The following ATRX variants were observed in gnomAD, a reference collection of about 807,000 sequenced individuals.
ATRX encodes the protein chromatin remodeler ATRX.
Under a neutral mutation model 172.6 loss-of-function variants are expected in ATRX, and 12 were observed. That is an observed-to-expected ratio of 0.07 (90% confidence interval 0.04 to 0.11). The LOEUF (loss-of-function observed/expected upper bound fraction) is 0.11. Among genes scored for constraint, ATRX ranks in the 10% least tolerant of loss-of-function variants. The pLI, the probability that ATRX is intolerant of heterozygous loss-of-function variation, is 1.00. For missense variants in ATRX, 1,368 were observed against 1,767.4 expected, an observed-to-expected ratio of 0.77 and a Z score of 4.05; for synonymous variants, 674 against 594.7, an observed-to-expected ratio of 1.13 and a Z score of -1.94.
At chrX:77,717,975 T>C (rs1032906188) in intron 1 of ATRX, among the ~76,000 whole-genome samples, 2 of 111,692 alleles carry the variant, frequency 1.8e-5, no homozygotes, top group Non-Finnish European at 3.8e-5. Flanking sequence ...CTGACCCTTG[T>C]ACTTATCTTG....
chrX:77,762,731 AAAAAG>A (rs2054718581), intron 1 of ATRX, among the ~76,000 whole-genome samples: 1 of 111,773 alleles, frequency 8.9e-6, no homozygotes, highest in Admixed American at 9.6e-5. Flanking sequence ...AGAGTAAAAA[AAAAAG>A]AAGAGTAAAA....
chrX:77,542,988 T>C (rs1458258449), intron 30 of ATRX, among the ~76,000 whole-genome samples: 2 of 111,928 alleles, frequency 1.8e-5, no homozygotes, highest in Admixed American at 9.5e-5. Flanking sequence ...AAAGAGCTTC[T>C]GCACAGCAAA....
chrX:77,711,224 A>C (rs1214957884), intron 2 of ATRX, among the ~76,000 whole-genome samples: 1 of 112,010 alleles, frequency 8.9e-6, no homozygotes, highest in Non-Finnish European at 1.9e-5. Flanking sequence ...ATTTACAAGA[A>C]ACCTATAAAG....
intron 26 of ATRX, among the ~76,000 whole-genome samples, chrX:77,590,706 T>C (rs989233339): frequency 2.7e-4 from 29 of 106,804 alleles, no homozygotes; most frequent in Admixed American, 6.0e-4. Flanking sequence ...AACATCCACA[T>C]GAAAAAAAGT....
At chrX:77,624,956 C>T (rs1433133573) in intron 19 of ATRX, among the ~76,000 whole-genome samples, 2 of 111,679 alleles carry the variant, frequency 1.8e-5, no homozygotes, top group East Asian at 5.6e-4. Flanking sequence ...GCAAAAAGAA[C>T]AAATCTGGAG....
chrX:77,702,619 G>GA (rs1245678492), intron 2 of ATRX, among the ~76,000 whole-genome samples: 10 of 106,686 alleles, frequency 9.4e-5, no homozygotes, highest in East Asian at 5.7e-4. Flanking sequence ...GAAATAATTT[G>GA]AAAAAAAAAG....
intron 22 of ATRX, among the ~76,000 whole-genome samples, chrX:77,608,472 G>A (rs1416756194): frequency 1.8e-5 from 2 of 110,955 alleles, no homozygotes; most frequent in Non-Finnish European, 3.8e-5. Context: ...CAGGTGCCAT[G>A]AACATGCACT....
intron 34 of ATRX, among the ~76,000 whole-genome samples, chrX:77,515,548 G>T (rs954805673): frequency 4.5e-5 from 5 of 111,112 alleles, no homozygotes; most frequent in Non-Finnish European, 7.5e-5. Flanking sequence ...CCCTCATACG[G>T]CATTCATTAC....
intron 27 of ATRX, among the ~76,000 whole-genome samples, chrX:77,584,355 T>A (rs782528395): frequency 1.8e-5 from 2 of 111,543 alleles, no homozygotes; most frequent in African/African-American, 6.5e-5. Context: ...AGACCCAAAA[T>A]AGCCAAAGCT....
intron 19 of ATRX, among the ~76,000 whole-genome samples, chrX:77,627,858 C>A (rs1388459467): frequency 1.1e-4 from 12 of 110,773 alleles, no homozygotes; most frequent in Non-Finnish European, 1.9e-4. Context: ...AGAATGAGAT[C>A]CCCATCTCCC....
chrX:77,509,911 C>CGGG (rs111286366), intron 34 of ATRX, among the ~76,000 whole-genome samples: 5 of 31,382 alleles, frequency 1.6e-4, no homozygotes, highest in African/African-American at 4.1e-4. Flanking sequence ...GGACGGGGGG[C>CGGG]GGGGGGGGGG....
chrX:77,567,824 A>C (rs181544029), intron 28 of ATRX, among the ~76,000 whole-genome samples: 4 of 111,687 alleles, frequency 3.6e-5, no homozygotes, highest in African/African-American at 1.3e-4. Context: ...CAAACTTAAA[A>C]GAATTGAAAT....
At position 77,717,174 on chromosome X, in the gene ATRX, T is replaced by C; in HGVS notation, c.90A>G (p.Glu30=). The change falls in exon 2 of 35, where the codon GAA becomes GAG. Residue 30 remains glutamate, a synonymous_variant. Transcript: ENST00000373344. ...CAAGTCGTGGAGGAGAACTTGTTTC[T>C]TCAGATTCTTCTGATGAGTGTGCAA... ...DFLAHSSEES[E]ETSSPPRLAM... is the part of the protein sequence containing the mutation. The C allele has an allele frequency of 1.7e-6, 2 of 1,211,098 alleles. No homozygotes were observed. The highest frequency in any genetic ancestry group is 5.9e-5 in the East Asian group (2 of 33,841).
chrX:77,644,946 A>G (rs1416371955), intron 15 of ATRX, among the ~76,000 whole-genome samples: 1 of 111,527 alleles, frequency 9.0e-6, no homozygotes, highest in Non-Finnish European at 1.9e-5. Context: ...TATAGATCAA[A>G]ACACATTACA....
At chrX:77,608,393 T>G (rs1278666497) in intron 22 of ATRX, among the ~76,000 whole-genome samples, 2 of 97,640 alleles carry the variant, frequency 2.0e-5, no homozygotes, top group Non-Finnish European at 4.1e-5. Flanking sequence ...AAAAGACACA[T>G]AGGCCAATGA....
chrX:77,616,172 T>A, intron 22 of ATRX: 2 of 808,530 alleles, frequency 2.5e-6, no homozygotes, highest in Non-Finnish European at 3.0e-6. Context: ...ATTTTAGGCA[T>A]ACTACATGCC....
At chrX:77,622,335 A>G (rs1557100539) in intron 19 of ATRX, among the ~76,000 whole-genome samples, 1 of 111,802 alleles carries the variant, frequency 8.9e-6, no homozygotes, top group African/African-American at 3.3e-5. Context: ...GTTAAAATTA[A>G]TGAGGTAGAC....
rs1289450931 is a variant in ATRX, at chrX:77,508,201, TAAAAAAAAAA to T, written c.*140_*149del. 2.0e-5 allele frequency: 11 copies of T among 550,824 alleles called. No individual in the cohort carries two copies. Among genetic ancestry groups the T allele is most frequent in the Middle Eastern group, 1.2e-3 (2 of 1,604 alleles). 45.4% of individuals were successfully genotyped at this position (550,824 alleles called of 1,213,427 possible). ...TCAGGAAGAAATGGTATGCCCTATT[TAAAAAAAAAA>T]AAAGTAAAACTAATATGGAAGATTG... On this transcript the variant is annotated 3_prime_UTR_variant, in exon 35 of 35. Transcript: ENST00000373344.
chrX:77,514,402 A>G (rs1557038189), intron 34 of ATRX, among the ~76,000 whole-genome samples: 1 of 112,180 alleles, frequency 8.9e-6, no homozygotes, highest in Non-Finnish European at 1.9e-5. Context: ...TACTGGTACA[A>G]AAAGACACAC....
Sources: allele counts gnomAD v4.1 joint callset (sites outside exome capture counted in the v4.1 genomes callset), GRCh38; gene constraint gnomAD v4.1.1; transcripts MANE v1.5; gene names NCBI Gene and HGNC (gene_info 2026-07-23, HGNC 2026-07-21).